The following PTPRD variants were observed in gnomAD, a reference collection of about 807,000 sequenced individuals.
PTPRD encodes receptor-type tyrosine-protein phosphatase delta.
Under a neutral mutation model 214.5 loss-of-function variants are expected in PTPRD, and 34 were observed. That is an observed-to-expected ratio of 0.16 (90% CI 0.12 to 0.21). The LOEUF (loss-of-function observed/expected upper bound fraction) is 0.21. Among genes scored for constraint, PTPRD ranks in the 10% least tolerant of loss-of-function variants. The pLI, the probability that PTPRD is intolerant of heterozygous loss-of-function variation, is 1.00. For missense variants in PTPRD, 2,545 were observed against 2,398.7 expected (o/e 1.06, Z -1.27); for synonymous variants, 1,128 against 845.7 (o/e 1.33, Z -5.79).
intron 3 of PTPRD, among the ~76,000 whole-genome samples, chr9:10,201,459 G>T (rs375925486): frequency 3.3e-5 from 5 of 151,994 alleles, no homozygotes; most frequent in African/African-American, 1.2e-4. Context: ...AGTTACAAAT[G>T]ATTTTATAAT....
At chr9:8,825,402 A>G (rs2097155394) in intron 11 of PTPRD, among the ~76,000 whole-genome samples, 1 of 152,214 alleles carries the variant, frequency 6.6e-6, no homozygotes, top group Non-Finnish European at 1.5e-5. Flanking sequence ...AAATAACTAT[A>G]TTGTCATAAG....
intron 2 of PTPRD, among the ~76,000 whole-genome samples, chr9:10,392,222 T>C (rs777738565): frequency 1.9e-4 from 29 of 151,986 alleles, no homozygotes; most frequent in East Asian, 5.8e-4. Context: ...TAATCATGCA[T>C]AATGTATGTA....
chr9:8,639,588 G>A (rs1053284081), intron 12 of PTPRD, among the ~76,000 whole-genome samples: 7 of 152,178 alleles, frequency 4.6e-5, no homozygotes, highest in Admixed American at 2.0e-4. Context: ...ACTAGAAGTA[G>A]GATACCCTTT....
chr9:9,981,590 G>T (rs2095546333), intron 4 of PTPRD, among the ~76,000 whole-genome samples: 1 of 151,828 alleles, frequency 6.6e-6, no homozygotes, highest in South Asian at 2.1e-4. Context: ...TCGATCTCCT[G>T]ACCTTGTGAT....
chr9:10,488,804 C>T (rs2099149741), intron 2 of PTPRD, among the ~76,000 whole-genome samples: 1 of 152,056 alleles, frequency 6.6e-6, no homozygotes, highest in African/African-American at 2.4e-5. Context: ...AAAGTCTCTT[C>T]AGCCAGATGT....
rs145179256 is a variant in PTPRD at position 10,573,106 on chromosome 9, C to T, written c.-600+39292G>A. Reference sequence around the variant, plus strand: ...AGCAGATACCTTACTTGTGAGTATACGAGTAGTCCCCAATACGTGATGCCT... The same window carrying T: ...AGCAGATACCTTACTTGTGAGTATATGAGTAGTCCCCAATACGTGATGCCT... On this transcript the variant is annotated intron_variant, in intron 2 of 45. Transcript: ENST00000381196. Among the ~76,000 whole-genome samples, 67 of 152,108 alleles carry T rather than the reference C, an allele frequency of 4.4e-4. 1 individual carries two copies. In the East Asian group the frequency reaches 0.011, roughly 25 times the overall value.
At chr9:8,803,765 C>T (rs1370168653) in intron 11 of PTPRD, among the ~76,000 whole-genome samples, 1 of 151,102 alleles carries the variant, frequency 6.6e-6, no homozygotes, top group Non-Finnish European at 1.5e-5. Context: ...AGAAAAAGTA[C>T]GAAATCATGT....
chr9:9,426,911 A>G (rs1205384891), intron 8 of PTPRD, among the ~76,000 whole-genome samples: 1 of 152,192 alleles, frequency 6.6e-6, no homozygotes, highest in Admixed American at 6.5e-5. Context: ...TCTGTACGTC[A>G]CCATCATCAA....
At chr9:9,150,776 A>ACTATATT (rs1199220246) in intron 10 of PTPRD, among the ~76,000 whole-genome samples, 1 of 152,144 alleles carries the variant, frequency 6.6e-6, no homozygotes, top group Admixed American at 6.6e-5. Flanking sequence ...CCGGCCTGAA[A>ACTATATT]CTATATTTTT....
chr9:9,781,851 G>A (rs78727007), intron 5 of PTPRD, among the ~76,000 whole-genome samples: 71,067 of 150,026 alleles, frequency 0.47, 17,914 homozygotes, highest in East Asian at 0.72. Flanking sequence ...GGAGTGCAGT[G>A]GCGCAATCTC....
chr9:9,596,438 C>G (rs1450555257), intron 7 of PTPRD, among the ~76,000 whole-genome samples: 2 of 151,934 alleles, frequency 1.3e-5, no homozygotes, highest in Non-Finnish European at 2.9e-5. Context: ...TTATTTTCTA[C>G]TGTTCACTTT....
chr9:9,461,517 C>A (rs959291996), intron 8 of PTPRD, among the ~76,000 whole-genome samples: 1 of 152,000 alleles, frequency 6.6e-6, no homozygotes, highest in Non-Finnish European at 1.5e-5. Flanking sequence ...ACACGATATA[C>A]AAACAGAATG....
intron 12 of PTPRD, among the ~76,000 whole-genome samples, chr9:8,719,873 A>C (rs1011242609): frequency 1.3e-5 from 2 of 152,210 alleles, no homozygotes; most frequent in African/African-American, 2.4e-5. Flanking sequence ...AAAAAAAAAA[A>C]ACCTTGCATT....
chr9:9,410,099 AAAT>A (rs2074893693), intron 8 of PTPRD, among the ~76,000 whole-genome samples: 1 of 152,176 alleles, frequency 6.6e-6, no homozygotes, highest in African/African-American at 2.4e-5. Flanking sequence ...AGCCTTATAC[AAAT>A]TCAATAAATG....
intron 7 of PTPRD, among the ~76,000 whole-genome samples, chr9:9,618,523 A>G (rs1341109467): frequency 6.6e-6 from 1 of 152,176 alleles, no homozygotes; most frequent in Non-Finnish European, 1.5e-5. Flanking sequence ...TGGAAGTGAT[A>G]TTAGGAAGGT....
intron 2 of PTPRD, among the ~76,000 whole-genome samples, chr9:10,378,474 T>G (rs1015985915): frequency 2.0e-5 from 3 of 152,026 alleles, no homozygotes; most frequent in African/African-American, 7.2e-5. Context: ...TAATCCATTT[T>G]GATTTCTGTA....
chr9:9,857,099 A>C (rs2061700439), intron 5 of PTPRD, among the ~76,000 whole-genome samples: 1 of 152,120 alleles, frequency 6.6e-6, no homozygotes, highest in South Asian at 2.1e-4. Context: ...AAAGACATTA[A>C]TCCTCAACTT....
At chr9:9,614,692 T>C (rs2094745694) in intron 7 of PTPRD, among the ~76,000 whole-genome samples, 1 of 152,322 alleles carries the variant, frequency 6.6e-6, no homozygotes, top group Non-Finnish European at 1.5e-5. Context: ...ATGATGCTGA[T>C]AGATATTCAT....
chr9:10,280,880 G>A lies in PTPRD; in HGVS notation c.-545+60083C>T, dbSNP rs142110108. Among the ~76,000 whole-genome samples the A allele has an allele frequency of 5.5e-4, 84 of 152,174 alleles. 1 individual carries two copies. The East Asian group carries it at 0.014, about 25-fold the overall frequency. On this transcript the variant is annotated intron_variant, in intron 3 of 45. Transcript: ENST00000381196. Reference sequence around the variant, plus strand: ...TCCTCTCTCCTAGGCCTCCCAAGGTGCTAAGATTACAAGTGTGAGCCACAT... The same window carrying A: ...TCCTCTCTCCTAGGCCTCCCAAGGTACTAAGATTACAAGTGTGAGCCACAT...
Sources: gnomAD v4.1 joint callset for allele counts (sites outside exome capture counted in the v4.1 genomes callset) on GRCh38, gnomAD v4.1.1 for gene constraint, MANE v1.5 for transcripts, NCBI Gene and HGNC (gene_info 2026-07-23, HGNC 2026-07-21) for gene names.